Variants in METTL25 observed in about 807,000 individuals in gnomAD.
METTL25 encodes the protein probable methyltransferase-like protein 25.
A neutral mutation model predicts 71.6 loss-of-function variants in METTL25; 64 were observed. The ratio of observed to expected loss-of-function variants is 0.89; its 90% CI spans 0.73 to 1.10. The LOEUF is 1.10. Among genes scored for constraint, METTL25 ranks in the 50% least tolerant of loss-of-function variants. The pLI is 0.00. For synonymous variants in METTL25, 287 were observed against 250.3 expected, an observed-to-expected ratio of 1.15 and a Z score of -1.38; for missense variants, 807 against 707.0, an observed-to-expected ratio of 1.14 and a Z score of -1.60.
At chr12:82,473,593 G>C (rs1257524791) in intron 9 of METTL25, among the ~76,000 whole-genome samples, 1 of 152,180 alleles carries the variant, frequency 6.6e-6, no homozygotes, top group Admixed American at 6.5e-5. Context: ...CCCTGATTGA[G>C]TGCATTGGGC....
In METTL25 at chr12:82,358,692, A is replaced by G. The variant is rs1305702334; in HGVS notation, c.127A>G (p.Thr43Ala). The G allele has an allele frequency of 6.2e-7, 1 of 1,614,142 alleles. No individual in the cohort carries two copies. Among genetic ancestry groups the G allele is most frequent in the Admixed American group, 1.7e-5 (1 of 60,022 alleles). The change falls in exon 1 of 12, where the codon ACA becomes GCA. Residue 43 changes from threonine to alanine, a missense_variant. Thr to Ala is a moderately conservative substitution (Grantham distance 58). Coordinates refer to ENST00000248306, the MANE Select transcript of METTL25 (RefSeq NM_032230.3). ...CAATGCACATACCGTGGATTTCTAC[A>G]CAGAATCCGTGTGGGAGGAGCTGGT... Reference protein sequence around the residue: ...ISNAHTVDFYTESVWEELVDL... With the variant: ...ISNAHTVDFYAESVWEELVDL...
chr12:82,359,057 C>G (rs1361687033), intron 1 of METTL25: 1 of 594,544 alleles, frequency 1.7e-6, no homozygotes, highest in Non-Finnish European at 3.0e-6. Flanking sequence ...TTAAAGAAAG[C>G]AGGAAACAGG....
At chr12:82,422,637 T>C (rs1226339431) in intron 5 of METTL25, among the ~76,000 whole-genome samples, 1 of 152,110 alleles carries the variant, frequency 6.6e-6, no homozygotes, top group Non-Finnish European at 1.5e-5. Context: ...GATTGTATAT[T>C]TAGAAAACCC....
chr12:82,467,695 CT>C (rs948170408), intron 9 of METTL25, among the ~76,000 whole-genome samples: 1 of 151,960 alleles, frequency 6.6e-6, no homozygotes, highest in African/African-American at 2.4e-5. Context: ...TGATGCTTTT[CT>C]CTTGATGATT....
intron 1 of METTL25, among the ~76,000 whole-genome samples, chr12:82,361,010 A>G (rs10778893): frequency 1 from 151,736 of 152,246 alleles, 75,616 homozygotes; most frequent in Middle Eastern, 1. Context: ...AAGATTTATC[A>G]CAAGGAGTGA....
intron 1 of METTL25, among the ~76,000 whole-genome samples, chr12:82,383,729 GT>G (rs1884679700): frequency 6.6e-6 from 1 of 151,970 alleles, no homozygotes; most frequent in South Asian, 2.1e-4. Flanking sequence ...TATACATTCA[GT>G]GATTGTTTTA....
chr12:82,403,307 A>G (rs148664031), intron 5 of METTL25, among the ~76,000 whole-genome samples, 177 bp downstream of exon 5: 68 of 152,316 alleles, frequency 4.5e-4, no homozygotes, highest in African/African-American at 1.6e-3. Flanking sequence ...TTAATGCATC[A>G]CCACCTGTAT....
At chr12:82,417,137 A>G (rs1403167315) in intron 5 of METTL25, among the ~76,000 whole-genome samples, 1 of 152,116 alleles carries the variant, frequency 6.6e-6, no homozygotes, top group African/African-American at 2.4e-5. Flanking sequence ...CTTAAAGAGA[A>G]TAACATGGAA....
At chr12:82,422,674 AG>A (rs1254711711) in intron 5 of METTL25, among the ~76,000 whole-genome samples, 2 of 152,246 alleles carry the variant, frequency 1.3e-5, no homozygotes, top group Non-Finnish European at 2.9e-5. Context: ...AATCTCCCTA[AG>A]GTGATAAGCA....
rs142616088 is a variant in METTL25 at position 82,448,168 on chromosome 12, T to A, written c.1479-8559T>A. Among the ~76,000 whole-genome samples the A allele has an allele frequency of 7.9e-5, 12 of 152,214 alleles. No homozygotes were observed. In the East Asian group the frequency reaches 2.1e-3, roughly 27 times the overall value. On this transcript the variant is annotated intron_variant, in intron 8 of 11. Coordinates refer to ENST00000248306, the MANE Select transcript of METTL25 (RefSeq NM_032230.3). ...CAGAAAATAAGGTCACTTAATTACT[T>A]CTTTTCCATTTTCTTTATTTTTCTT...
chr12:82,468,620 A>G (rs1892384230), intron 9 of METTL25: 1 of 152,190 alleles, frequency 6.6e-6, no homozygotes, highest in South Asian at 2.1e-4. Flanking sequence ...TGTGCCCTAT[A>G]TTTGGATCCT....
Position 82,438,772 on chromosome 12 carries a change from T to G in METTL25, c.1459T>G (p.Cys487Gly). 1 of 1,515,404 alleles carries G rather than the reference T, an allele frequency of 6.6e-7. No homozygotes were observed. The highest frequency in any genetic ancestry group is 9.0e-7 in the Non-Finnish European group (1 of 1,109,978). The allele number at this position is 1,515,404 out of a possible 1,614,324, so 93.9% of individuals were successfully genotyped here. A position where few individuals can be genotyped will look rare whatever the true frequency, so the allele number is the denominator to read the frequency against. The change falls in exon 8 of 12, where the codon TGT becomes GGT. Residue 487 changes from cysteine to glycine, a missense_variant. Cys to Gly is a radical substitution (Grantham distance 159). Coordinates refer to ENST00000248306, the MANE Select transcript of METTL25 (RefSeq NM_032230.3). The part of the protein sequence containing the change: ...RAVLQDIIKD[C>G]YGITKCDRHV... ...TGTTCTTCAGGATATTATTAAAGAT[T>G]GTTATGGCATCACCAAATGGTATGA... is the stretch of plus-strand genomic sequence containing the variant.
intron 5 of METTL25, among the ~76,000 whole-genome samples, chr12:82,426,220 G>C (rs1383693284): frequency 2.0e-5 from 3 of 152,034 alleles, no homozygotes; most frequent in Non-Finnish European, 4.4e-5. Context: ...TTGAGGGTTT[G>C]CTGCCTCCTT....
At chr12:82,423,723 G>A (rs1888727480) in intron 5 of METTL25, among the ~76,000 whole-genome samples, 1 of 152,178 alleles carries the variant, frequency 6.6e-6, no homozygotes, top group Non-Finnish European at 1.5e-5. Context: ...CAAAAAGTGG[G>A]TGAAGGATAT....
chr12:82,366,823 A>G (rs1882629314), intron 1 of METTL25, among the ~76,000 whole-genome samples: 1 of 152,134 alleles, frequency 6.6e-6, no homozygotes, highest in Admixed American at 6.5e-5. Context: ...ATTTTTCTGA[A>G]TTCCATTTTC....
chr12:82,407,977 T>C, intron 5 of METTL25: 1 of 984,848 alleles, frequency 1.0e-6, no homozygotes, highest in Non-Finnish European at 1.2e-6. Flanking sequence ...GAAATTTTTA[T>C]AACAGTATTT....
At chr12:82,362,665 T>G (rs1882085826) in intron 1 of METTL25, among the ~76,000 whole-genome samples, 1 of 152,168 alleles carries the variant, frequency 6.6e-6, no homozygotes, top group Non-Finnish European at 1.5e-5. Context: ...GAGAATTTTG[T>G]GTGGTGATGT....
chr12:82,440,872 A>G (rs1890269215), intron 8 of METTL25, among the ~76,000 whole-genome samples: 1 of 152,068 alleles, frequency 6.6e-6, no homozygotes, highest in African/African-American at 2.4e-5. Context: ...ATTATGGGAC[A>G]AAAATCAAAG....
At chr12:82,443,390 G>A (rs1890496231) in intron 8 of METTL25, among the ~76,000 whole-genome samples, 1 of 147,616 alleles carries the variant, frequency 6.8e-6, no homozygotes, top group South Asian at 2.2e-4. Flanking sequence ...AGTCAGTGAT[G>A]TCTTCAAAGT....
Sources: gnomAD v4.1 joint callset for allele counts (sites outside exome capture counted in the v4.1 genomes callset) on GRCh38, gnomAD v4.1.1 for gene constraint, MANE v1.5 for transcripts, NCBI Gene and HGNC (gene_info 2026-07-23, HGNC 2026-07-21) for gene names.